TLN2: variants seen among roughly 807,000 people sequenced by gnomAD.
TLN2 encodes the protein talin 2, also known as talin-2.
TLN2 carries 118 observed loss-of-function variants against 294.7 expected under a neutral mutation model. That is an observed-to-expected ratio of 0.40 (90% CI 0.34 to 0.47). The LOEUF is 0.47. Ranked by LOEUF, TLN2 falls within the 20% of genes least tolerant of loss-of-function variation. The pLI, the probability that TLN2 is intolerant of heterozygous loss-of-function variation, is 0.84. For missense variants in TLN2, 3,083 were observed against 3,282.2 expected (o/e 0.94, Z 1.48); for synonymous variants, 1,431 against 1,304.5 (o/e 1.10, Z -2.09).
intron 1 of TLN2, among the ~76,000 whole-genome samples, chr15:62,430,133 G>T (rs2034938081): frequency 6.6e-6 from 1 of 152,176 alleles, no homozygotes; most frequent in African/African-American, 2.4e-5. Flanking sequence ...TTGTGGCTGT[G>T]TTTACATATT....
At chr15:62,557,343 AGGCC>A (rs1242116782) in intron 1 of TLN2, among the ~76,000 whole-genome samples, 3 of 152,164 alleles carry the variant, frequency 2.0e-5, no homozygotes, top group Non-Finnish European at 2.9e-5. Context: ...GGGTCTTTGG[AGGCC>A]GCATGGAAAC....
chr15:62,619,140 C>G (rs1466549704), intron 3 of TLN2, among the ~76,000 whole-genome samples: 1 of 151,602 alleles, frequency 6.6e-6, no homozygotes. Context: ...TGTTTTTTCT[C>G]AAAACAGTAT....
At chr15:62,565,297 C>A (rs1433899771) in intron 1 of TLN2, among the ~76,000 whole-genome samples, 1 of 152,150 alleles carries the variant, frequency 6.6e-6, no homozygotes. Flanking sequence ...TAATGAAAGT[C>A]ATCTAACTTA....
chr15:62,574,534 C>T (rs927731625), intron 1 of TLN2, among the ~76,000 whole-genome samples: 7 of 121,414 alleles, frequency 5.8e-5, no homozygotes, highest in African/African-American at 9.8e-5. Context: ...TGAGCTATAT[C>T]GCACCACTGA....
chr15:62,720,227 TC>T (rs1453196560), intron 25 of TLN2, among the ~76,000 whole-genome samples: 2 of 152,214 alleles, frequency 1.3e-5, no homozygotes, highest in African/African-American at 4.8e-5. Context: ...TTTCCAGAGA[TC>T]CTAATGCCAT....
intron 3 of TLN2, among the ~76,000 whole-genome samples, chr15:62,639,032 A>G (rs1366919013): frequency 6.6e-6 from 1 of 152,132 alleles, no homozygotes; most frequent in East Asian, 1.9e-4. Context: ...CTAATGACTA[A>G]TTTAGGGAAA....
At chr15:62,489,734 T>G (rs1471718721) in intron 1 of TLN2, among the ~76,000 whole-genome samples, 2 of 152,206 alleles carry the variant, frequency 1.3e-5, no homozygotes, top group Non-Finnish European at 2.9e-5. Context: ...CAAAAGGCAC[T>G]GTGTCTTCTC....
At chr15:62,817,197 G>A (rs199678070) in intron 52 of TLN2, among the ~76,000 whole-genome samples, 1 of 152,238 alleles carries the variant, frequency 6.6e-6, no homozygotes, top group Non-Finnish European at 1.5e-5. Flanking sequence ...GAAAGTAAAA[G>A]GCATTTATCC....
At chr15:62,540,483 A>G (rs1422104873) in intron 1 of TLN2, among the ~76,000 whole-genome samples, 4 of 151,336 alleles carry the variant, frequency 2.6e-5, no homozygotes, top group African/African-American at 9.7e-5. Context: ...GCAGGGCGTT[A>G]TGAGAATATG....
chr15:62,796,033 A>G (rs944749376), intron 46 of TLN2, 94 bp from the exon 47 acceptor site: 68 of 1,482,474 alleles, frequency 4.6e-5, no homozygotes, highest in Admixed American at 1.0e-4. Context: ...AGCTACATCA[A>G]CTCCTAGGAG....
chr15:62,825,855 TA>T (rs2068129259), intron 54 of TLN2, among the ~76,000 whole-genome samples: 1 of 94,292 alleles, frequency 1.1e-5, no homozygotes, highest in Non-Finnish European at 1.9e-5. Context: ...AAATATATTA[TA>T]TATATATATA....
chr15:62,748,498 T>C, intron 33 of TLN2, 54 bp downstream of exon 33: 1 of 1,301,496 alleles, frequency 7.7e-7, no homozygotes, highest in Non-Finnish European at 1.1e-6. Flanking sequence ...TCTGTGTCTG[T>C]GTGTCTGTGT....
In TLN2 at chr15:62,725,026, G is replaced by T; in HGVS notation, c.3177G>T (p.Val1059=). 6 of 1,613,698 alleles carry T rather than the reference G, an allele frequency of 3.7e-6. No homozygotes were observed. Among genetic ancestry groups the T allele is most frequent in the Non-Finnish European group, 5.1e-6 (6 of 1,179,908 alleles). Reference sequence around the variant, plus strand: ...AAATCGATTCAGCTCTGAATACGGTGCAGACGCTTAAGAATGAACTGCAGG... The same window carrying T: ...AAATCGATTCAGCTCTGAATACGGTTCAGACGCTTAAGAATGAACTGCAGG... The part of the protein sequence containing the change: ...PMEIDSALNT[V]QTLKNELQDA... Residue 1059 remains valine (V), a synonymous_variant, in exon 27 of 59, where the codon GTG becomes GTT. Transcript: ENST00000636159.
chr15:62,838,767 G>A (rs2070156548), intron 57 of TLN2, 89 bp from the exon 58 acceptor site: 1 of 1,510,166 alleles, frequency 6.6e-7, no homozygotes, highest in East Asian at 2.3e-5. Context: ...ATTGACTCAT[G>A]GTCTCACAAA....
chr15:62,765,940 A>G (rs2062973005), intron 40 of TLN2, among the ~76,000 whole-genome samples: 1 of 152,178 alleles, frequency 6.6e-6, no homozygotes, highest in African/African-American at 2.4e-5. Flanking sequence ...GTGACCTGGA[A>G]TGTTCCCTCA....
chr15:62,596,896 T>C (rs749365608), intron 2 of TLN2, among the ~76,000 whole-genome samples: 5 of 152,202 alleles, frequency 3.3e-5, no homozygotes, highest in Non-Finnish European at 5.9e-5. Flanking sequence ...AACTACTTTT[T>C]TTCCTGTAGA....
chr15:62,675,340 GGA>G lies in TLN2; in HGVS notation c.957+23_957+24del. On this transcript the variant is annotated intron_variant, in intron 11 of 58. Transcript: ENST00000636159. Reference sequence around the variant, plus strand: ...GGTGAAGGTGAGTTGGGCAGAATGGGGAGAGTGTTCACCTTGGCCCCTTCTTT... The same window carrying G: ...GGTGAAGGTGAGTTGGGCAGAATGGGGAGTGTTCACCTTGGCCCCTTCTTT... 1 of 1,612,460 alleles carries G rather than the reference GGA, an allele frequency of 6.2e-7. No individual in the cohort carries two copies. Among genetic ancestry groups the G allele is most frequent in the South Asian group, 1.1e-5 (1 of 91,014 alleles).
intron 1 of TLN2, among the ~76,000 whole-genome samples, chr15:62,514,799 G>T (rs953090033): frequency 2.0e-5 from 3 of 152,196 alleles, no homozygotes; most frequent in Non-Finnish European, 4.4e-5. Context: ...CTAATGAGAA[G>T]AGTTAAATCA....
chr15:62,842,375 G>T lies in TLN2; in HGVS notation c.*1765G>T, dbSNP rs1169256228. 1 of 152,172 alleles carries T rather than the reference G, an allele frequency of 6.6e-6. No homozygotes were observed. Among genetic ancestry groups the T allele is most frequent in the Admixed American group, 6.5e-5 (1 of 15,284 alleles). 9.4% of individuals were successfully genotyped at this position (152,172 alleles called of 1,614,324 possible). A position where few individuals can be genotyped will look rare whatever the true frequency, so the allele number is the denominator to read the frequency against. The stretch of plus-strand genomic sequence containing the variant: ...GGCACACTCTTGGCTCGCCCTCTTT[G>T]AGTGGAGCTGATCCAACACCTCATG... On this transcript the variant is annotated 3_prime_UTR_variant, in exon 59 of 59. Coordinates refer to ENST00000636159, the MANE Select transcript of TLN2 (RefSeq NM_015059.3).
Sources: allele counts gnomAD v4.1 joint callset (sites outside exome capture counted in the v4.1 genomes callset), GRCh38; gene constraint gnomAD v4.1.1; transcripts MANE v1.5; gene names NCBI Gene and HGNC (gene_info 2026-07-23, HGNC 2026-07-21).